The following GRIP1 variants were observed in gnomAD, a reference collection of about 807,000 sequenced individuals.
GRIP1 encodes the protein glutamate receptor-interacting protein 1.
GRIP1 carries 45 observed loss-of-function variants against 129.9 expected under a neutral mutation model. The observed-to-expected ratio is 0.35, with a 90% CI of 0.27 to 0.44. The LOEUF (loss-of-function observed/expected upper bound fraction) is 0.44. Among genes scored for constraint, GRIP1 ranks in the 20% least tolerant of loss-of-function variants. GRIP1 has a pLI of 1.00. For synonymous variants in GRIP1, 530 were observed against 520.8 expected, an observed-to-expected ratio of 1.02 and a Z score of -0.24; for missense variants, 1,196 against 1,396.8, an observed-to-expected ratio of 0.86 and a Z score of 2.29.
intron 13 of GRIP1, among the ~76,000 whole-genome samples, chr12:66,442,365 C>T (rs190815879): frequency 3.9e-5 from 6 of 152,232 alleles, no homozygotes; most frequent in East Asian, 3.9e-4. Context: ...ACGCCTCTTC[C>T]GAGAGCCTTA....
chr12:66,581,996 A>T (rs2063404476), intron 2 of GRIP1, among the ~76,000 whole-genome samples: 1 of 152,234 alleles, frequency 6.6e-6, no homozygotes, highest in African/African-American at 2.4e-5. Context: ...CATTGATGCA[A>T]AAATCCTCAA....
At chr12:66,351,555 G>GTTTTCTTT (rs1565655525) in intron 24 of GRIP1, among the ~76,000 whole-genome samples, 1 of 143,520 alleles carries the variant, frequency 7.0e-6, no homozygotes, top group African/African-American at 2.7e-5. Context: ...ACAGGAAGGT[G>GTTTTCTTT]GTTTTTTTTT....
intron 2 of GRIP1, among the ~76,000 whole-genome samples, chr12:66,565,590 C>T (rs1370750163): frequency 2.6e-5 from 4 of 152,032 alleles, no homozygotes; most frequent in African/African-American, 4.8e-5. Flanking sequence ...TGGCTTAGGA[C>T]TGTCTTGGCA....
chr12:66,873,818 T>G (rs1470538904), intron 1 of GRIP1, among the ~76,000 whole-genome samples: 1 of 152,128 alleles, frequency 6.6e-6, no homozygotes. Flanking sequence ...ATGTATTTCC[T>G]ATAGTTTTAT....
At chr12:67,023,683 G>C (rs985213231) in intron 1 of GRIP1, among the ~76,000 whole-genome samples, 21 of 151,656 alleles carry the variant, frequency 1.4e-4, no homozygotes, top group African/African-American at 5.1e-4. Context: ...GGATTACATT[G>C]AATCTATAGA....
At position 66,941,368 on chromosome 12, in the gene GRIP1, T is replaced by A. The variant is rs531928558; in HGVS notation, c.58+127682A>T. On this transcript the variant is annotated intron_variant, in intron 1 of 1. Coordinates refer to the GRIP1 transcript ENST00000643019. ...CCACACTGGAATCTTATCAATAGCA[T>A]GAATGACATGTGGTTATTTAGTCTC... 5.3e-5 allele frequency among the ~76,000 whole-genome samples: 8 copies of A among 152,344 alleles called. No individual in the cohort carries two copies. The East Asian group carries it at 1.3e-3, about 26-fold the overall frequency.
chr12:66,740,126 G>A (rs528256873), intron 1 of GRIP1, among the ~76,000 whole-genome samples: 2 of 152,302 alleles, frequency 1.3e-5, no homozygotes, highest in Admixed American at 1.3e-4. Flanking sequence ...GAAACCTGGT[G>A]ACTGGGTGTG....
chr12:66,605,096 G>C (rs6581707), intron 1 of GRIP1, among the ~76,000 whole-genome samples: 90,054 of 150,034 alleles, frequency 0.6, 28,266 homozygotes, highest in African/African-American at 0.73. Context: ...TTGGACTGCA[G>C]TAAATTTAGG....
intron 1 of GRIP1, among the ~76,000 whole-genome samples, chr12:66,600,780 C>T (rs12424516): frequency 0.23 from 34,255 of 152,080 alleles, 4,290 homozygotes; most frequent in African/African-American, 0.34. Context: ...GCCCAGACTT[C>T]GATGATCATA....
chr12:66,992,469 CT>C (rs2042407966), intron 1 of GRIP1, among the ~76,000 whole-genome samples: 1 of 152,078 alleles, frequency 6.6e-6, no homozygotes, highest in African/African-American at 2.4e-5. Context: ...AGGTAGGTGG[CT>C]TTTTCAGAGG....
intron 11 of GRIP1, among the ~76,000 whole-genome samples, chr12:66,452,122 A>G (rs1364339926): frequency 6.6e-6 from 1 of 152,234 alleles, no homozygotes; most frequent in Non-Finnish European, 1.5e-5. Flanking sequence ...GAGTCTCTAC[A>G]CTGGCCCAGG....
chr12:66,969,884 G>C (rs1365537382), intron 1 of GRIP1, among the ~76,000 whole-genome samples: 2 of 152,014 alleles, frequency 1.3e-5, no homozygotes, highest in Non-Finnish European at 2.9e-5. Flanking sequence ...TTTTCCTTTT[G>C]ATCTTTTCTT....
chr12:66,512,184 G>C (rs868495969), intron 7 of GRIP1, among the ~76,000 whole-genome samples: 12 of 152,046 alleles, frequency 7.9e-5, no homozygotes, highest in Non-Finnish European at 1.5e-4. Flanking sequence ...TAGTTCTTTA[G>C]AGCAGTGTGA....
intron 23 of GRIP1, among the ~76,000 whole-genome samples, chr12:66,358,637 C>T (rs965894431): frequency 1.3e-5 from 2 of 151,984 alleles, no homozygotes; most frequent in African/African-American, 4.8e-5. Context: ...TTAGCAGAGA[C>T]AGGGTTTCGC....
intron 2 of GRIP1, among the ~76,000 whole-genome samples, chr12:66,596,435 G>A (rs772692466): frequency 3.8e-4 from 58 of 152,286 alleles, no homozygotes; most frequent in Non-Finnish European, 2.8e-4. Context: ...AAAGAGATGA[G>A]AAGAAAAGAA....
intron 1 of GRIP1, among the ~76,000 whole-genome samples, chr12:66,692,671 G>T (rs1180092718): frequency 6.6e-6 from 1 of 152,182 alleles, no homozygotes; most frequent in Non-Finnish European, 1.5e-5. Flanking sequence ...ATGGCAGAGA[G>T]GAGGGGATTT....
intron 1 of GRIP1, among the ~76,000 whole-genome samples, chr12:66,924,575 G>T (rs1414941661): frequency 1.3e-5 from 2 of 152,180 alleles, no homozygotes; most frequent in Non-Finnish European, 2.9e-5. Context: ...CTAGTTAGCT[G>T]ATTTTAAGAG....
chr12:66,530,162 T>C (rs1034910676), intron 4 of GRIP1, among the ~76,000 whole-genome samples: 3 of 152,236 alleles, frequency 2.0e-5, no homozygotes, highest in African/African-American at 7.2e-5. Context: ...CATTTCCTTC[T>C]ATATAGTTCG....
chr12:66,718,510 G>T (rs756972613), intron 1 of GRIP1, among the ~76,000 whole-genome samples: 1 of 152,140 alleles, frequency 6.6e-6, no homozygotes, highest in Non-Finnish European at 1.5e-5. Context: ...GAAGCAGTTG[G>T]ATAACCAAAG....
Sources: allele counts gnomAD v4.1 joint callset (sites outside exome capture counted in the v4.1 genomes callset), GRCh38; gene constraint gnomAD v4.1.1; transcripts MANE v1.5; gene names NCBI Gene and HGNC (gene_info 2026-07-23, HGNC 2026-07-21).